LRMDA: variants seen among roughly 807,000 people sequenced by gnomAD.
LRMDA encodes the protein leucine rich melanocyte differentiation associated.
Under a neutral mutation model 29.8 loss-of-function variants are expected in LRMDA, and 18 were observed. That is an observed-to-expected ratio of 0.60 (90% CI 0.42 to 0.90). LRMDA has a LOEUF of 0.90. Among genes scored for constraint, LRMDA ranks in the 40% least tolerant of loss-of-function variants. LRMDA has a pLI of 0.00. For synonymous variants in LRMDA, 125 were observed against 109.4 expected (o/e 1.14, Z -0.89); for missense variants, 273 against 273.9 (o/e 1.00, Z 0.02).
At chr10:75,636,314 T>C (rs754434974) in intron 2 of LRMDA, among the ~76,000 whole-genome samples, 84 of 152,210 alleles carry the variant, frequency 5.5e-4, no homozygotes, top group Non-Finnish European at 7.6e-4. Context: ...CTTTATTTTC[T>C]TTATTAAATT....
intron 5 of LRMDA, among the ~76,000 whole-genome samples, chr10:76,225,146 C>T (rs977326291): frequency 2.6e-5 from 4 of 152,064 alleles, no homozygotes; most frequent in East Asian, 3.9e-4. Context: ...GTGGATGGCT[C>T]ACACCTGTAA....
chr10:76,201,172 C>G (rs1324830106), intron 5 of LRMDA, among the ~76,000 whole-genome samples: 1 of 151,156 alleles, frequency 6.6e-6, no homozygotes, highest in Non-Finnish European at 1.5e-5. Flanking sequence ...TCTCGGCTCC[C>G]CGTAACCTCT....
At chr10:75,876,656 C>A (rs1845203501) in intron 2 of LRMDA, among the ~76,000 whole-genome samples, 1 of 152,160 alleles carries the variant, frequency 6.6e-6, no homozygotes, top group Non-Finnish European at 1.5e-5. Context: ...CCAGGGGCTT[C>A]TGGTGCAGGA....
chr10:76,183,376 G>A (rs938973270), intron 5 of LRMDA, among the ~76,000 whole-genome samples: 6 of 152,170 alleles, frequency 3.9e-5, no homozygotes, highest in Admixed American at 2.0e-4. Flanking sequence ...CAGTTTATCC[G>A]AAGTGGAAGG....
intron 5 of LRMDA, among the ~76,000 whole-genome samples, chr10:76,101,714 C>G (rs991749482): frequency 2.0e-5 from 3 of 149,906 alleles, no homozygotes; most frequent in African/African-American, 7.4e-5. Flanking sequence ...CCAGCCTGGG[C>G]AACGAGATTG....
chr10:75,712,506 C>T (rs1842448558), intron 2 of LRMDA, among the ~76,000 whole-genome samples: 1 of 151,850 alleles, frequency 6.6e-6, no homozygotes, highest in South Asian at 2.1e-4. Context: ...TTGTGAGAGC[C>T]GGGATGAAGT....
chr10:75,566,855 C>A (rs898587896), intron 2 of LRMDA, among the ~76,000 whole-genome samples: 6 of 152,116 alleles, frequency 3.9e-5, no homozygotes, highest in Non-Finnish European at 8.8e-5. Flanking sequence ...CCATCCAAAC[C>A]AACTTATCTT....
intron 2 of LRMDA, among the ~76,000 whole-genome samples, chr10:75,760,025 G>A (rs772892740): frequency 3.9e-5 from 6 of 152,146 alleles, no homozygotes; most frequent in South Asian, 2.1e-4. Context: ...TTCAGTCACC[G>A]CTTTCATTAA....
At position 75,862,211 on chromosome 10, in the gene LRMDA, C is replaced by CACACAT. The variant is rs1554830421; in HGVS notation, c.132-173797_132-173796insACACAT. Reference sequence around the variant, plus strand: ...ACACACACACACACACACACACACACGCACTTAAGTCAGTTTAATGTTTGA... The same window carrying CACACAT: ...ACACACACACACACACACACACACACACACATGCACTTAAGTCAGTTTAATGTTTGA... On this transcript the variant is annotated intron_variant, in intron 2 of 6. Transcript: ENST00000611255. Among the ~76,000 whole-genome samples, 26 of 151,682 alleles carry CACACAT rather than the reference C, an allele frequency of 1.7e-4. No homozygotes were observed. In the East Asian group the frequency reaches 2.7e-3, roughly 16 times the overall value.
At chr10:75,603,977 A>G (rs74443903) in intron 2 of LRMDA, among the ~76,000 whole-genome samples, 4,752 of 152,240 alleles carry the variant, frequency 0.031, 245 homozygotes, top group African/African-American at 0.11. Flanking sequence ...GTGGGATGAT[A>G]GGAGAAAAAC....
intron 6 of LRMDA, among the ~76,000 whole-genome samples, chr10:76,478,351 C>T (rs1281681169): frequency 2.0e-5 from 3 of 152,124 alleles, no homozygotes; most frequent in Non-Finnish European, 4.4e-5. Context: ...AATGAGATAC[C>T]ATCTCACACC....
At chr10:76,138,212 G>C (rs1352783232) in intron 5 of LRMDA, among the ~76,000 whole-genome samples, 1 of 152,092 alleles carries the variant, frequency 6.6e-6, no homozygotes, top group Non-Finnish European at 1.5e-5. Flanking sequence ...TTTCCCCCCA[G>C]TGTACCCCTC....
At chr10:75,485,676 C>G (rs948782561) in intron 2 of LRMDA, among the ~76,000 whole-genome samples, 17 of 152,144 alleles carry the variant, frequency 1.1e-4, no homozygotes, top group African/African-American at 3.1e-4. Flanking sequence ...CTCCCGGGTT[C>G]AAGCGATTCT....
intron 5 of LRMDA, among the ~76,000 whole-genome samples, chr10:76,148,490 C>G (rs1850375132): frequency 6.6e-6 from 1 of 152,146 alleles, no homozygotes; most frequent in South Asian, 2.1e-4. Context: ...ACCCTCCGAG[C>G]CATGTGTGGG....
chr10:75,711,341 A>G (rs1026918213), intron 2 of LRMDA, among the ~76,000 whole-genome samples: 3 of 152,178 alleles, frequency 2.0e-5, no homozygotes, highest in East Asian at 3.9e-4. Flanking sequence ...GTTGCAAAAA[A>G]GCAGGTACTA....
At chr10:76,398,686 T>C (rs1417627648) in intron 6 of LRMDA, among the ~76,000 whole-genome samples, 1 of 152,246 alleles carries the variant, frequency 6.6e-6, no homozygotes, top group Non-Finnish European at 1.5e-5. Flanking sequence ...ATGATATGGA[T>C]TGGCAACAGG....
chr10:76,429,697 C>T (rs557131349), intron 6 of LRMDA, among the ~76,000 whole-genome samples: 1 of 152,100 alleles, frequency 6.6e-6, no homozygotes, highest in African/African-American at 2.4e-5. Flanking sequence ...GATTTTTAGC[C>T]TCAGTCCCCT....
intron 2 of LRMDA, among the ~76,000 whole-genome samples, chr10:75,750,399 G>GAT (rs1842944454): frequency 6.6e-6 from 1 of 151,304 alleles, no homozygotes; most frequent in African/African-American, 2.4e-5. Flanking sequence ...CCTCCCAGAC[G>GAT]GGGTGGCGGT....
At chr10:75,624,357 T>A (rs572904003) in intron 2 of LRMDA, among the ~76,000 whole-genome samples, 1 of 152,284 alleles carries the variant, frequency 6.6e-6, no homozygotes, top group Non-Finnish European at 1.5e-5. Flanking sequence ...ACATATCCCT[T>A]AGAATATGTC....
Sources: gnomAD v4.1 joint callset for allele counts (sites outside exome capture counted in the v4.1 genomes callset) on GRCh38, gnomAD v4.1.1 for gene constraint, MANE v1.5 for transcripts, NCBI Gene and HGNC (gene_info 2026-07-23, HGNC 2026-07-21) for gene names.